Variants in SLC4A8 observed in about 807,000 individuals in gnomAD.
SLC4A8 encodes the protein electroneutral sodium bicarbonate exchanger 1.
In SLC4A8, 40 loss-of-function variants were observed where a neutral mutation model predicts 125.0. That is an observed-to-expected ratio of 0.32 (90% CI 0.25 to 0.42). The LOEUF is 0.42. Among genes scored for constraint, SLC4A8 ranks in the 10% least tolerant of loss-of-function variants. SLC4A8 has a pLI of 1.00. For synonymous variants in SLC4A8, 456 were observed against 476.0 expected (o/e 0.96, Z 0.55); for missense variants, 863 against 1,355.1 (o/e 0.64, Z 5.70).
Position 51,471,359 on chromosome 12 carries a change from T to C in SLC4A8, c.1731T>C (p.Leu577=), listed in dbSNP as rs1950693126. 1.2e-6 allele frequency: 2 copies of C among 1,614,128 alleles called. No homozygotes were observed. Among genetic ancestry groups the C allele is most frequent in the East Asian group, 4.5e-5 (2 of 44,888 alleles). The change falls in exon 14 of 25, where the codon CTT becomes CTC. Residue 577 remains leucine, a synonymous_variant. Coordinates refer to ENST00000453097, the MANE Select transcript of SLC4A8 (RefSeq NM_001039960.3). ...GLWTAFLCIV[L]VATDASSLVC... Reference sequence around the variant, plus strand: ...GGACCGCTTTCCTGTGTATTGTCCTTGTGGCAACTGATGCCAGTTCCCTTG... The same window carrying C: ...GGACCGCTTTCCTGTGTATTGTCCTCGTGGCAACTGATGCCAGTTCCCTTG...
At chr12:51,463,792 T>A in intron 11 of SLC4A8, 78 bp downstream of exon 11, 1 of 946,718 alleles carries the variant, frequency 1.1e-6, no homozygotes, top group Non-Finnish European at 1.7e-6. Context: ...CTTCTTTCTT[T>A]CAGCCTACTT....
In SLC4A8 at chr12:51,406,233, TCAC is replaced by T. The variant is rs201428945; in HGVS notation, c.-112+14748_-112+14750del. Among the ~76,000 whole-genome samples the T allele has an allele frequency of 7.2e-5, 11 of 152,272 alleles. No homozygotes were observed. In the East Asian group the frequency reaches 1.7e-3, roughly 24 times the overall value. Reference sequence around the variant, plus strand: ...GGAACTTTTTGTCTAATGAGGGAGATCACCAACTGCAAATAAAATTATCCCGAG... The same window carrying T: ...GGAACTTTTTGTCTAATGAGGGAGATCAACTGCAAATAAAATTATCCCGAG... On this transcript the variant is annotated intron_variant, in intron 1 of 24. Transcript: ENST00000358657.
At chr12:51,395,688 T>A (rs1021995) in intron 1 of SLC4A8, among the ~76,000 whole-genome samples, 138,658 of 152,200 alleles carry the variant, frequency 0.91, 63,312 homozygotes, top group Non-Finnish European at 0.94. Context: ...AGGAGGTTAG[T>A]AGGGAGGCCA....
chr12:51,514,481 G>C lies in SLC4A8; in HGVS notation c.*7043G>C, dbSNP rs1460844659. The C allele has an allele frequency of 1.3e-5, 2 of 152,162 alleles. No homozygotes were observed. The highest frequency in any genetic ancestry group is 2.9e-5 in the Non-Finnish European group (2 of 68,032). 9.4% of individuals were successfully genotyped at this position (152,162 alleles called of 1,614,324 possible). A position where few individuals can be genotyped will look rare whatever the true frequency, so the allele number is the denominator to read the frequency against. ...AGTTCTTTGGAGGAAAGAAGTTCTT[G>C]GTCAGAGGTCCTAAAACCACCACCA... is the stretch of plus-strand genomic sequence containing the variant. On this transcript the variant is annotated 3_prime_UTR_variant, in exon 25 of 25. Transcript: ENST00000453097.
chr12:51,441,625 C>T (rs1411313991), intron 2 of SLC4A8, among the ~76,000 whole-genome samples: 1 of 152,266 alleles, frequency 6.6e-6, no homozygotes, highest in East Asian at 1.9e-4. Flanking sequence ...GGCTCAAAAG[C>T]CTTTGTGAAA....
chr12:51,428,034 T>C (rs145050693), intron 1 of SLC4A8, among the ~76,000 whole-genome samples: 3 of 152,188 alleles, frequency 2.0e-5, no homozygotes, highest in Admixed American at 2.0e-4. Flanking sequence ...CTCCACTCTC[T>C]TTCTTGCACC....
chr12:51,412,030 C>G (rs116713390), intron 1 of SLC4A8, among the ~76,000 whole-genome samples: 1 of 152,136 alleles, frequency 6.6e-6, no homozygotes, highest in Non-Finnish European at 1.5e-5. Flanking sequence ...CCACTATACT[C>G]CAGCCTGAGT....
intron 1 of SLC4A8, among the ~76,000 whole-genome samples, chr12:51,416,071 T>G (rs1029519739): frequency 2.0e-5 from 3 of 151,984 alleles, no homozygotes; most frequent in African/African-American, 7.2e-5. Context: ...TCTTTCAAAC[T>G]TTCTGAGTTA....
chr12:51,500,093 A>T (rs1208836375), intron 22 of SLC4A8, among the ~76,000 whole-genome samples: 4 of 152,178 alleles, frequency 2.6e-5, no homozygotes, highest in African/African-American at 9.7e-5. Context: ...TGACTCTTAG[A>T]TTTTTGGACT....
chr12:51,444,013 A>T (rs1440307901), intron 2 of SLC4A8, among the ~76,000 whole-genome samples: 2 of 152,234 alleles, frequency 1.3e-5, no homozygotes, highest in Admixed American at 1.3e-4. Flanking sequence ...CATAATTTTT[A>T]CTAAATTAGA....
chr12:51,452,318 C>T, intron 4 of SLC4A8, 59 bp downstream of exon 4: 1 of 1,570,258 alleles, frequency 6.4e-7, no homozygotes, highest in Non-Finnish European at 8.8e-7. Flanking sequence ...GTGTACCCTT[C>T]AGCAAGTGAC....
At chr12:51,499,362 A>G (rs1937738331) in intron 22 of SLC4A8, among the ~76,000 whole-genome samples, 1 of 151,888 alleles carries the variant, frequency 6.6e-6, no homozygotes, top group South Asian at 2.1e-4. Flanking sequence ...ACACACGTGA[A>G]AAAGATTGGA....
At chr12:51,486,127 GTATTAT>G (rs1951156154) in intron 17 of SLC4A8, among the ~76,000 whole-genome samples, 1 of 152,002 alleles carries the variant, frequency 6.6e-6, no homozygotes, top group African/African-American at 2.4e-5. Flanking sequence ...TGAATGAAAA[GTATTAT>G]TATTATTGTT....
chr12:51,473,080 A>G (rs1369304513), intron 14 of SLC4A8, among the ~76,000 whole-genome samples: 1 of 152,176 alleles, frequency 6.6e-6, no homozygotes, highest in Non-Finnish European at 1.5e-5. Context: ...CATAGATTAC[A>G]TTAGAGTTGA....
chr12:51,445,717 C>G (rs1334312899), intron 2 of SLC4A8, among the ~76,000 whole-genome samples: 2 of 152,138 alleles, frequency 1.3e-5, no homozygotes, highest in Non-Finnish European at 2.9e-5. Context: ...CTTCTTATCA[C>G]TTAGATGTCC....
At chr12:51,429,655 A>G (rs965506753) in intron 1 of SLC4A8, among the ~76,000 whole-genome samples, 1 of 151,708 alleles carries the variant, frequency 6.6e-6, no homozygotes, top group Non-Finnish European at 1.5e-5. Flanking sequence ...GACATGAACC[A>G]CTATGTCCAG....
At chr12:51,454,140 T>C (rs1428068576) in intron 5 of SLC4A8, among the ~76,000 whole-genome samples, 2 of 151,926 alleles carry the variant, frequency 1.3e-5, no homozygotes, top group Non-Finnish European at 2.9e-5. Flanking sequence ...CTACAAAAAA[T>C]ACAAAAATTA....
At chr12:51,476,117 C>T (rs893449066) in intron 16 of SLC4A8, among the ~76,000 whole-genome samples, 1 of 152,166 alleles carries the variant, frequency 6.6e-6, no homozygotes, top group East Asian at 1.9e-4. Flanking sequence ...AGCCACATAC[C>T]TTTTTAATTT....
chr12:51,417,514 T>G (rs1307084556), intron 1 of SLC4A8, among the ~76,000 whole-genome samples: 2 of 151,340 alleles, frequency 1.3e-5, no homozygotes, highest in East Asian at 3.9e-4. Flanking sequence ...GCCCAGCTAA[T>G]TTTTGTATTT....
Sources: gnomAD v4.1 joint callset for allele counts (sites outside exome capture counted in the v4.1 genomes callset) on GRCh38, gnomAD v4.1.1 for gene constraint, MANE v1.5 for transcripts, NCBI Gene and HGNC (gene_info 2026-07-23, HGNC 2026-07-21) for gene names.